Variants in MAP2K5 observed in about 807,000 individuals in gnomAD.
MAP2K5 encodes mitogen-activated protein kinase kinase 5, also known as dual specificity mitogen-activated protein kinase kinase 5.
In MAP2K5, 49 loss-of-function variants were observed where a neutral mutation model predicts 83.1. The ratio of observed to expected loss-of-function variants is 0.59; its 90% CI spans 0.47 to 0.75. The LOEUF is 0.75. MAP2K5 is among the 30% of genes least tolerant of loss of function. The probability of loss-of-function intolerance (pLI) is 0.00; values close to 1 mark genes in which losing one functional copy is unlikely to be tolerated. For synonymous variants in MAP2K5, 202 were observed against 191.8 expected, an observed-to-expected ratio of 1.05 and a Z score of -0.44; for missense variants, 457 against 557.5, an observed-to-expected ratio of 0.82 and a Z score of 1.82.
rs537364065 is a variant in MAP2K5 at position 67,665,560 on chromosome 15, T to A, written c.847+915T>A. ...ACTGATATTTTCAACTGTGATGTCA[T>A]ATCTGTCACTAAGGGTTGTTTTCTT... is the stretch of plus-strand genomic sequence containing the variant. On this transcript the variant is annotated intron_variant, in intron 13 of 21. Coordinates refer to ENST00000178640, the MANE Select transcript of MAP2K5 (RefSeq NM_145160.3). The surrounding 1 kb of genome is among the most constrained non-coding windows in gnomAD (Gnocchi z 4.2). 8.5e-5 allele frequency among the ~76,000 whole-genome samples: 13 copies of A among 152,346 alleles called. No homozygotes were observed. The East Asian group carries it at 2.3e-3, about 27-fold the overall frequency.
intron 13 of MAP2K5, among the ~76,000 whole-genome samples, chr15:67,687,927 T>C (rs780405186): frequency 2.6e-4 from 39 of 151,190 alleles, no homozygotes; most frequent in African/African-American, 9.2e-4. Context: ...TGGAGCGTGT[T>C]GATGGAGGTA....
intron 20 of MAP2K5, 52 bp from the exon 21 acceptor site, chr15:67,772,655 A>G (rs1211595660): frequency 8.0e-7 from 1 of 1,255,302 alleles, no homozygotes; most frequent in Non-Finnish European, 1.1e-6. Context: ...ATTATAGCAA[A>G]AATATACAAA....
chr15:67,689,174 G>A (rs961538734), intron 13 of MAP2K5, among the ~76,000 whole-genome samples: 1 of 152,174 alleles, frequency 6.6e-6, no homozygotes, highest in African/African-American at 2.4e-5. Flanking sequence ...AGGATCACTT[G>A]AGCCCAAAAG....
intron 19 of MAP2K5, among the ~76,000 whole-genome samples, chr15:67,751,223 A>G (rs1277751052): frequency 6.6e-6 from 1 of 152,166 alleles, no homozygotes; most frequent in Non-Finnish European, 1.5e-5. Context: ...AACCATGACC[A>G]TGAAACTCAG....
chr15:67,575,357 A>T lies in MAP2K5; in HGVS notation c.253-5397A>T, dbSNP rs192355000. ...AGTGGTTGGAGAAGTAGGAAAACCC[A>T]TGGAGGTGGCGGGGCGGGGGAGGGC... On this transcript the variant is annotated intron_variant, in intron 3 of 21. Transcript: ENST00000178640. 1.9e-4 allele frequency among the ~76,000 whole-genome samples: 26 copies of T among 137,772 alleles called. No homozygotes were observed. In the East Asian group the frequency reaches 6.5e-3, roughly 34 times the overall value. The allele number at this position is 137,772 out of a possible 152,430, so 90.4% of individuals were successfully genotyped here.
chr15:67,609,515 CTA>C (rs2085864395), intron 8 of MAP2K5, among the ~76,000 whole-genome samples: 1 of 118,122 alleles, frequency 8.5e-6, no homozygotes, highest in Non-Finnish European at 1.9e-5. Context: ...TAGACCTATT[CTA>C]TAGGTCTGTA....
intron 8 of MAP2K5, among the ~76,000 whole-genome samples, chr15:67,614,835 G>A (rs1029894309): frequency 6.6e-6 from 1 of 152,094 alleles, no homozygotes; most frequent in Non-Finnish European, 1.5e-5. Context: ...AGTTACAGTA[G>A]CTTTCTCTTA....
intron 19 of MAP2K5, among the ~76,000 whole-genome samples, chr15:67,752,330 G>A (rs1233392609): frequency 2.0e-5 from 3 of 151,782 alleles, no homozygotes; most frequent in Admixed American, 6.6e-5. Flanking sequence ...GCCTCCCAAA[G>A]TGCTGATTTC....
chr15:67,806,579 C>G lies in MAP2K5; in HGVS notation c.1243-67C>G, dbSNP rs995158406. 3 of 1,378,874 alleles carry G rather than the reference C, an allele frequency of 2.2e-6. No individual in the cohort carries two copies. The African/African-American group carries it at 4.3e-5, about 20-fold the overall frequency. The allele number at this position is 1,378,874 out of a possible 1,614,324, so 85.4% of individuals were successfully genotyped here. Reference sequence around the variant, plus strand: ...GATCAGATCCAGGCTGAGGGCAGGCCCTGGAAAGTACAATGAGCGCGGGAG... The same window carrying G: ...GATCAGATCCAGGCTGAGGGCAGGCGCTGGAAAGTACAATGAGCGCGGGAG... On this transcript the variant is annotated intron_variant, in intron 21 of 21. Coordinates refer to ENST00000178640, the MANE Select transcript of MAP2K5 (RefSeq NM_145160.3).
chr15:67,674,861 A>G (rs2087639035), intron 13 of MAP2K5, among the ~76,000 whole-genome samples: 1 of 152,212 alleles, frequency 6.6e-6, no homozygotes, highest in East Asian at 1.9e-4. Flanking sequence ...GATGTTCAAT[A>G]TCATTAGGCT....
rs1156283556 is a variant in MAP2K5 at position 67,638,002 on chromosome 15, CT to C, written c.585+7082del. On this transcript the variant is annotated intron_variant, in intron 9 of 21. Coordinates refer to ENST00000178640, the MANE Select transcript of MAP2K5 (RefSeq NM_145160.3). This position sits in a 1 kb window ranked among gnomAD's most constrained non-coding sequence, Gnocchi z 4.5. ...TTAACTTTTTTAACTTTTAATTTAA[CT>C]TTTTTTAACTTTTTTTTACTTTTAA... Among the ~76,000 whole-genome samples the C allele has an allele frequency of 6.0e-5, 9 of 150,652 alleles. No homozygotes were observed. Among genetic ancestry groups the C allele is most frequent in the Admixed American group, 1.3e-4 (2 of 15,126 alleles).
intron 6 of MAP2K5, among the ~76,000 whole-genome samples, chr15:67,589,945 C>G (rs1479742445): frequency 2.6e-5 from 4 of 152,020 alleles, no homozygotes; most frequent in Admixed American, 6.6e-5. Context: ...GGATAATAAG[C>G]ATTTAGCACA....
intron 11 of MAP2K5, among the ~76,000 whole-genome samples, chr15:67,650,754 G>C (rs2086933476): frequency 6.6e-6 from 1 of 151,790 alleles, no homozygotes; most frequent in Admixed American, 6.6e-5. Flanking sequence ...GATGATTTTT[G>C]TATTCATATT....
rs991894156 is a variant in MAP2K5, at chr15:67,769,463, G to A, written c.1135-139G>A. On this transcript the variant is annotated intron_variant, in intron 19 of 21. Coordinates refer to ENST00000178640, the MANE Select transcript of MAP2K5 (RefSeq NM_145160.3). The surrounding 1 kb of genome is among the most constrained non-coding windows in gnomAD (Gnocchi z 5.2). ...ACCTAAATGTGTGGAATAAGGTAAA[G>A]ACAGTCTTTTTAATTGGGTGAGGCC... 29 of 705,376 alleles carry A rather than the reference G, an allele frequency of 4.1e-5. No homozygotes were observed. Among genetic ancestry groups the A allele is most frequent in the Non-Finnish European group, 5.6e-5 (23 of 409,352 alleles). 43.7% of individuals were successfully genotyped at this position (705,376 alleles called of 1,614,324 possible).
intron 13 of MAP2K5, among the ~76,000 whole-genome samples, chr15:67,692,242 TTAAAA>T (rs994662673): frequency 5.3e-5 from 8 of 152,204 alleles, no homozygotes; most frequent in African/African-American, 1.9e-4. Flanking sequence ...TCACTGTCAC[TTAAAA>T]TAAACTCTTT....
chr15:67,641,750 A>C (rs1226175640), intron 9 of MAP2K5: 2 of 372,898 alleles, frequency 5.4e-6, no homozygotes, highest in Non-Finnish European at 7.4e-6. Flanking sequence ...CCTAAGGAGA[A>C]AAAAATAATG....
intron 3 of MAP2K5, among the ~76,000 whole-genome samples, chr15:67,576,344 C>A (rs1228040524): frequency 1.4e-5 from 2 of 147,736 alleles, no homozygotes; most frequent in Non-Finnish European, 3.0e-5. Flanking sequence ...TGAATTGTGC[C>A]ATTAGCATTA....
intron 8 of MAP2K5, among the ~76,000 whole-genome samples, chr15:67,608,962 T>G (rs886681458): frequency 6.6e-6 from 1 of 152,204 alleles, no homozygotes; most frequent in African/African-American, 2.4e-5. Flanking sequence ...GGAATTTACC[T>G]GCAGAGGCAG....
chr15:67,600,838 A>G, intron 8 of MAP2K5, 89 bp downstream of exon 8: 2 of 868,182 alleles, frequency 2.3e-6, no homozygotes, highest in East Asian at 2.6e-5. Context: ...TTAAATGACC[A>G]CTAACACTTA....
Sources: allele counts gnomAD v4.1 joint callset (sites outside exome capture counted in the v4.1 genomes callset), GRCh38; gene constraint gnomAD v4.1.1; non-coding constraint Gnocchi (gnomAD v3.1); transcripts MANE v1.5; gene names NCBI Gene and HGNC (gene_info 2026-07-23, HGNC 2026-07-21).